The following CAMK2D variants were observed in gnomAD, a reference collection of about 807,000 sequenced individuals.
CAMK2D encodes the protein calcium/calmodulin dependent protein kinase II delta, also known as calcium/calmodulin-dependent protein kinase type II subunit delta.
CAMK2D carries 37 observed loss-of-function variants against 84.0 expected under a neutral mutation model. That is an observed-to-expected ratio of 0.44 (90% CI 0.34 to 0.58). The LOEUF is 0.58. CAMK2D is among the 20% of genes least tolerant of loss of function. CAMK2D has a pLI of 0.02. For missense variants in CAMK2D, 448 were observed against 652.5 expected, an observed-to-expected ratio of 0.69 and a Z score of 3.41; for synonymous variants, 202 against 212.5, an observed-to-expected ratio of 0.95 and a Z score of 0.43.
intron 16 of CAMK2D, among the ~76,000 whole-genome samples, chr4:113,498,778 AG>A (rs1389741658): frequency 6.6e-6 from 1 of 152,208 alleles, no homozygotes; most frequent in Non-Finnish European, 1.5e-5. Flanking sequence ...ACAAACTACA[AG>A]GTAACACTGA....
chr4:113,509,163 T>A (rs542148873), intron 13 of CAMK2D, among the ~76,000 whole-genome samples: 28 of 152,338 alleles, frequency 1.8e-4, no homozygotes, highest in African/African-American at 6.7e-4. Context: ...AAGGAATAAT[T>A]AAGACCTTTA....
At chr4:113,730,161 A>G in intron 2 of CAMK2D, among the ~76,000 whole-genome samples, 1 of 152,236 alleles carries the variant, frequency 6.6e-6, no homozygotes, top group East Asian at 1.9e-4. Context: ...CAAAGTTGTT[A>G]TATTAATTAA....
Position 113,454,438 on chromosome 4 carries a change from G to A in CAMK2D, c.*107C>T. On this transcript the variant is annotated 3_prime_UTR_variant, in exon 21 of 21. Coordinates refer to ENST00000511664, the MANE Select transcript of CAMK2D (RefSeq NM_001321571.2). ...ATGCACTCAGAAACATGCATGAAGAGGAGGAGAGGACGGCCCAGGGTCACC... is the reference window on the plus strand; with the variant it reads ...ATGCACTCAGAAACATGCATGAAGAAGAGGAGAGGACGGCCCAGGGTCACC... 1 of 770,646 alleles carries A rather than the reference G, an allele frequency of 1.3e-6. No individual in the cohort carries two copies. Among genetic ancestry groups the A allele is most frequent in the East Asian group, 2.4e-5 (1 of 40,882 alleles). 47.7% of individuals were successfully genotyped at this position (770,646 alleles called of 1,614,324 possible).
At chr4:113,678,835 A>C (rs979115509) in intron 2 of CAMK2D, among the ~76,000 whole-genome samples, 2 of 152,128 alleles carry the variant, frequency 1.3e-5, no homozygotes, top group African/African-American at 4.8e-5. Flanking sequence ...AAAGACAGAA[A>C]ACTGCAGATG....
At chr4:113,730,769 T>C (rs1490295820) in intron 2 of CAMK2D, among the ~76,000 whole-genome samples, 4 of 152,370 alleles carry the variant, frequency 2.6e-5, no homozygotes, top group East Asian at 3.9e-4. Flanking sequence ...CACTTGCTCA[T>C]TGGTTCAACT....
intron 2 of CAMK2D, among the ~76,000 whole-genome samples, chr4:113,748,591 T>C (rs1043904063): frequency 1.3e-5 from 2 of 152,052 alleles, no homozygotes; most frequent in African/African-American, 2.4e-5. Context: ...AATTAATCAG[T>C]TTTCTAGTCA....
intron 17 of CAMK2D, 126 bp from the exon 18 acceptor site, chr4:113,460,367 A>G: frequency 1.5e-6 from 1 of 687,618 alleles, no homozygotes; most frequent in South Asian, 1.6e-5. Flanking sequence ...CTTACATACA[A>G]AAGTTCTATC....
At chr4:113,703,949 C>T (rs945709074) in intron 2 of CAMK2D, among the ~76,000 whole-genome samples, 1 of 143,252 alleles carries the variant, frequency 7.0e-6, no homozygotes. Flanking sequence ...TTTTAAGAAC[C>T]AGGTACTTCA....
chr4:113,572,317 A>G (rs1369602237), intron 4 of CAMK2D, among the ~76,000 whole-genome samples: 1 of 152,142 alleles, frequency 6.6e-6, no homozygotes, highest in Non-Finnish European at 1.5e-5. Context: ...TTTACATTAA[A>G]AGCCCTCTGA....
chr4:113,554,889 T>C (rs1301031062), intron 4 of CAMK2D, among the ~76,000 whole-genome samples: 1 of 152,074 alleles, frequency 6.6e-6, no homozygotes, highest in East Asian at 1.9e-4. Flanking sequence ...ATATGAAGGA[T>C]ATCAATTATA....
chr4:113,558,280 AT>A (rs60232458), intron 4 of CAMK2D, among the ~76,000 whole-genome samples: 36 of 152,334 alleles, frequency 2.4e-4, no homozygotes, highest in African/African-American at 8.2e-4. Context: ...TTAAGAGTTA[AT>A]TTTCATATAT....
intron 8 of CAMK2D, among the ~76,000 whole-genome samples, chr4:113,524,221 A>G (rs948497906): frequency 2.6e-5 from 4 of 152,190 alleles, no homozygotes; most frequent in Non-Finnish European, 4.4e-5. Flanking sequence ...GTACATTTAC[A>G]CTGTCATGAA....
chr4:113,634,002 T>C (rs1272371632), intron 3 of CAMK2D, among the ~76,000 whole-genome samples: 3 of 152,216 alleles, frequency 2.0e-5, no homozygotes, highest in African/African-American at 7.2e-5. Flanking sequence ...CTGGAGAATG[T>C]CTTTACTTGC....
intron 3 of CAMK2D, among the ~76,000 whole-genome samples, chr4:113,639,015 G>T (rs2099121069): frequency 1.3e-5 from 2 of 151,656 alleles, no homozygotes; most frequent in Admixed American, 1.3e-4. Context: ...GGCCAAGGTG[G>T]GAAGATCACC....
chr4:113,622,516 A>G (rs1011275376), intron 3 of CAMK2D, among the ~76,000 whole-genome samples: 3 of 151,460 alleles, frequency 2.0e-5, no homozygotes, highest in African/African-American at 4.9e-5. Flanking sequence ...TGCGATCCCA[A>G]TGCTTTGGGA....
chr4:113,722,021 T>G (rs2099531953), intron 2 of CAMK2D, among the ~76,000 whole-genome samples: 1 of 152,216 alleles, frequency 6.6e-6, no homozygotes, highest in Non-Finnish European at 1.5e-5. Context: ...TACTCATCAC[T>G]TAGCACGCCC....
At chr4:113,573,923 C>T (rs2098767237) in intron 4 of CAMK2D, among the ~76,000 whole-genome samples, 1 of 152,146 alleles carries the variant, frequency 6.6e-6, no homozygotes, top group Non-Finnish European at 1.5e-5. Flanking sequence ...AGTCTCTCAT[C>T]AATATCCCTG....
intron 4 of CAMK2D, among the ~76,000 whole-genome samples, chr4:113,597,260 T>C: frequency 6.6e-6 from 1 of 152,266 alleles, no homozygotes; most frequent in East Asian, 1.9e-4. Context: ...AAGTCCCAGA[T>C]GGCATCTTCC....
intron 3 of CAMK2D, among the ~76,000 whole-genome samples, chr4:113,635,651 C>T (rs975334915): frequency 6.6e-6 from 1 of 152,088 alleles, no homozygotes; most frequent in Non-Finnish European, 1.5e-5. Flanking sequence ...TTAACCCTTA[C>T]AAGAAAATAC....
Sources: gnomAD v4.1 joint callset for allele counts (sites outside exome capture counted in the v4.1 genomes callset) on GRCh38, gnomAD v4.1.1 for gene constraint, MANE v1.5 for transcripts, NCBI Gene and HGNC (gene_info 2026-07-23, HGNC 2026-07-21) for gene names.